KIAA1217: variants seen among roughly 807,000 people sequenced by gnomAD.
The protein encoded by KIAA1217 is KIAA1217.
A neutral mutation model predicts 163.9 loss-of-function variants in KIAA1217; 88 were observed. The ratio of observed to expected loss-of-function variants is 0.54; its 90% CI spans 0.45 to 0.64. The LOEUF (loss-of-function observed/expected upper bound fraction) is 0.64. KIAA1217 is among the 30% of genes least tolerant of loss of function. The pLI is 0.00. For missense variants in KIAA1217, 2,372 were observed against 2,475.0 expected (o/e 0.96, Z 0.88); for synonymous variants, 903 against 923.1 (o/e 0.98, Z 0.39).
chr10:23,897,332 T>C (rs57775621), intron 1 of KIAA1217, among the ~76,000 whole-genome samples: 10,562 of 152,142 alleles, frequency 0.069, 1,214 homozygotes, highest in African/African-American at 0.24. Context: ...CCAAGTTGTC[T>C]GGCATCATTG....
chr10:24,500,397 C>CATGTGT (rs113507007), intron 8 of KIAA1217, among the ~76,000 whole-genome samples: 1 of 125,786 alleles, frequency 8.0e-6, no homozygotes, highest in East Asian at 2.3e-4. Flanking sequence ...AGAGTGTGTG[C>CATGTGT]GTGTGTGTGT....
chr10:23,961,145 G>A (rs4415652), intron 1 of KIAA1217, among the ~76,000 whole-genome samples: 63,781 of 151,792 alleles, frequency 0.42, 16,624 homozygotes, highest in African/African-American at 0.74. Flanking sequence ...CAATTTCCAT[G>A]AAATACCATG....
chr10:24,539,638 T>C (rs915228106), intron 17 of KIAA1217, among the ~76,000 whole-genome samples: 16 of 152,186 alleles, frequency 1.1e-4, no homozygotes, highest in Admixed American at 7.9e-4. Flanking sequence ...AGCAGGTCTT[T>C]ATTGAGTGCC....
chr10:23,720,753 AAG>A (rs1837837685), intron 1 of KIAA1217, among the ~76,000 whole-genome samples: 1 of 152,194 alleles, frequency 6.6e-6, no homozygotes, highest in South Asian at 2.1e-4. Flanking sequence ...GAACTACTGT[AAG>A]AATAGTCTGT....
chr10:23,995,198 T>A (rs934246721), intron 1 of KIAA1217, among the ~76,000 whole-genome samples: 3 of 152,158 alleles, frequency 2.0e-5, no homozygotes, highest in Non-Finnish European at 4.4e-5. Flanking sequence ...GGGGAGATCA[T>A]GGTCTCCTGG....
At chr10:23,840,109 G>T (rs990397921) in intron 1 of KIAA1217, among the ~76,000 whole-genome samples, 4 of 151,834 alleles carry the variant, frequency 2.6e-5, no homozygotes, top group Non-Finnish European at 5.9e-5. Flanking sequence ...GGTATATCTG[G>T]TGTGCTATGA....
intron 1 of KIAA1217, among the ~76,000 whole-genome samples, chr10:23,858,229 G>T (rs1394393998): frequency 6.6e-6 from 1 of 152,082 alleles, no homozygotes; most frequent in African/African-American, 2.4e-5. Flanking sequence ...TGAGCTGGAT[G>T]GGGAAGAGCA....
chr10:24,218,015 T>G lies in KIAA1217; in HGVS notation c.71-1611T>G, dbSNP rs1014902622. On this transcript the variant is annotated intron_variant, in intron 1 of 20. Coordinates refer to ENST00000376454, the MANE Select transcript of KIAA1217 (RefSeq NM_019590.5). ...TTCCTGAGATCCAGCCTAGTACTTT[T>G]TCCAGGGAATTCAGTGGACAAGGAA... 2.6e-5 allele frequency among the ~76,000 whole-genome samples: 4 copies of G among 152,174 alleles called. No homozygotes were observed. In the East Asian group the frequency reaches 7.7e-4, roughly 29 times the overall value.
intron 1 of KIAA1217, among the ~76,000 whole-genome samples, chr10:23,899,725 G>A (rs966811393): frequency 1.3e-5 from 2 of 152,064 alleles, no homozygotes; most frequent in African/African-American, 4.8e-5. Flanking sequence ...AAAGCTCAGA[G>A]GACCACAGTC....
intron 2 of KIAA1217, among the ~76,000 whole-genome samples, chr10:24,376,173 A>C (rs1010792631): frequency 9.2e-5 from 14 of 152,354 alleles, no homozygotes; most frequent in Non-Finnish European, 2.1e-4. Context: ...TGAGGACATA[A>C]ATGCGGAAAG....
intron 2 of KIAA1217, among the ~76,000 whole-genome samples, chr10:24,074,703 C>CTTTTTTTTTTTTT (rs35168053): frequency 1.0e-5 from 1 of 99,488 alleles, no homozygotes. Flanking sequence ...TCTTCTTCTT[C>CTTTTTTTTTTTTT]TTTTTTTTTT....
In KIAA1217 at chr10:24,346,582, T is replaced by G. The variant is rs1450873579; in HGVS notation, c.355-34287T>G. Among the ~76,000 whole-genome samples the G allele has an allele frequency of 1.4e-5, 2 of 141,054 alleles. 1 individual carries two copies. The highest frequency in any genetic ancestry group is 1.4e-4 in the Admixed American group (2 of 14,370). The allele number at this position is 141,054 out of a possible 152,430, so 92.5% of individuals were successfully genotyped here. A position where few individuals can be genotyped will look rare whatever the true frequency, so the allele number is the denominator to read the frequency against. On this transcript the variant is annotated intron_variant, in intron 2 of 20. Coordinates refer to ENST00000376454, the MANE Select transcript of KIAA1217 (RefSeq NM_019590.5). ...TTTTGTTGGCCCTTTTTTTTTTTTT[T>G]TTTTTTGGAGGCAGAGTCTTGCTCT...
At chr10:24,472,277 T>C (rs919817713) in intron 5 of KIAA1217, among the ~76,000 whole-genome samples, 1 of 152,168 alleles carries the variant, frequency 6.6e-6, no homozygotes, top group Non-Finnish European at 1.5e-5. Context: ...AAAGCTGTGT[T>C]CTTCAAGGGT....
intron 2 of KIAA1217, among the ~76,000 whole-genome samples, chr10:24,222,598 C>T (rs1234488990): frequency 1.3e-5 from 2 of 152,122 alleles, no homozygotes; most frequent in East Asian, 1.9e-4. Context: ...TCAACCTCCA[C>T]CTCTCAGGTT....
chr10:24,163,612 A>G (rs1279080330), intron 2 of KIAA1217, among the ~76,000 whole-genome samples: 1 of 152,230 alleles, frequency 6.6e-6, no homozygotes. Flanking sequence ...ACGCCTCACA[A>G]TAACATACTG....
intron 2 of KIAA1217, among the ~76,000 whole-genome samples, chr10:24,346,436 C>T (rs182340760): frequency 1.0e-3 from 158 of 152,086 alleles, no homozygotes; most frequent in African/African-American, 3.7e-3. Context: ...CGTGCCACTG[C>T]ACTCCAGCCT....
In KIAA1217 at chr10:24,538,358, G is replaced by A. The variant is rs556634887; in HGVS notation, c.3534+1465G>A. 3.3e-5 allele frequency among the ~76,000 whole-genome samples: 5 copies of A among 152,176 alleles called. No homozygotes were observed. In the South Asian group the frequency reaches 6.2e-4, roughly 19 times the overall value. ...AAGGGAATCTCGCTATATCCAAGGG[G>A]GGTTATTGTTGATAAATGTTTCTCA... is the stretch of plus-strand genomic sequence containing the variant. On this transcript the variant is annotated intron_variant, in intron 17 of 20. Coordinates refer to ENST00000376454, the MANE Select transcript of KIAA1217 (RefSeq NM_019590.5).
At chr10:24,417,859 A>ATT (rs56195155) in intron 3 of KIAA1217, among the ~76,000 whole-genome samples, 9,316 of 147,876 alleles carry the variant, frequency 0.063, 403 homozygotes, top group African/African-American at 0.13. Flanking sequence ...GAATAGCTTG[A>ATT]TTTTTTTTTT....
At chr10:23,867,612 C>T (rs1483393642) in intron 1 of KIAA1217, among the ~76,000 whole-genome samples, 9 of 152,144 alleles carry the variant, frequency 5.9e-5, no homozygotes, top group Non-Finnish European at 1.3e-4. Flanking sequence ...TGATGATGAG[C>T]ATTTTTTCAT....
Sources: allele counts gnomAD v4.1 joint callset (sites outside exome capture counted in the v4.1 genomes callset), GRCh38; gene constraint gnomAD v4.1.1; transcripts MANE v1.5; gene names NCBI Gene and HGNC (gene_info 2026-07-23, HGNC 2026-07-21).